The following GABRA2 variants were observed in gnomAD, a reference collection of about 807,000 sequenced individuals.
GABRA2 encodes gamma-aminobutyric acid type A receptor subunit alpha2.
GABRA2 carries 16 observed loss-of-function variants against 48.7 expected under a neutral mutation model. The observed-to-expected ratio is 0.33, with a 90% CI of 0.22 to 0.50. GABRA2 has a LOEUF of 0.50. Ranked by LOEUF, GABRA2 falls within the 20% of genes least tolerant of loss-of-function variation. The pLI is 0.98. For synonymous variants in GABRA2, 185 were observed against 184.5 expected, an observed-to-expected ratio of 1.00 and a Z score of -0.02; for missense variants, 275 against 535.6, an observed-to-expected ratio of 0.51 and a Z score of 4.80.
chr4:46,376,714 A>G (rs1359595267), intron 3 of GABRA2, among the ~76,000 whole-genome samples: 2 of 151,582 alleles, frequency 1.3e-5, no homozygotes, highest in Non-Finnish European at 2.9e-5. Flanking sequence ...TCCTGTGTCT[A>G]CAAAAAATTT....
At chr4:46,367,737 AAATGAGATATGAC>A (rs1714267135) in intron 3 of GABRA2, 1 of 152,178 alleles carries the variant, frequency 6.6e-6, no homozygotes, top group Admixed American at 6.6e-5. Context: ...ATACATCTTG[AAATGAGATATGAC>A]CTGTGTCACC....
At chr4:46,332,568 CA>C in intron 4 of GABRA2, 46 bp downstream of exon 4, 1 of 1,031,354 alleles carries the variant, frequency 9.7e-7, no homozygotes, top group East Asian at 2.4e-5. Flanking sequence ...AATTACCCCC[CA>C]CTCCCCATTA....
chr4:46,328,675 T>C (rs1037013390), intron 4 of GABRA2, among the ~76,000 whole-genome samples: 2 of 151,954 alleles, frequency 1.3e-5, no homozygotes, highest in East Asian at 3.9e-4. Flanking sequence ...CATGTGCACA[T>C]TGTGCAGGTT....
At position 46,390,039 on chromosome 4, in the gene GABRA2, T is replaced by C; in HGVS notation, c.-315A>G. On this transcript the variant is annotated 5_prime_UTR_variant, in exon 1 of 10. Coordinates refer to ENST00000381620, the MANE Select transcript of GABRA2 (RefSeq NM_000807.4). The stretch of plus-strand genomic sequence containing the variant: ...AGGAAGAGGAGGAGGGGGAAAACGA[T>C]GACAGGAGCTGGGGCCGGGGGGGGA... The C allele has an allele frequency of 5.4e-6, 1 of 184,488 alleles. No homozygotes were observed. The highest frequency in any genetic ancestry group is 6.9e-6 in the Non-Finnish European group (1 of 145,786). 11.4% of individuals were successfully genotyped at this position (184,488 alleles called of 1,614,324 possible).
At chr4:46,375,394 T>A (rs1715539653) in intron 3 of GABRA2, among the ~76,000 whole-genome samples, 1 of 152,190 alleles carries the variant, frequency 6.6e-6, no homozygotes, top group Non-Finnish European at 1.5e-5. Flanking sequence ...TAACTCTTCA[T>A]AAGTTTTTCA....
intron 8 of GABRA2, among the ~76,000 whole-genome samples, chr4:46,273,514 TATATATATATATATATATATATGA>T (rs1248630688): frequency 0.032 from 1,081 of 34,100 alleles, 37 homozygotes; most frequent in African/African-American, 0.099. Context: ...TATATATATA[TATATATATATATATATATATATGA>T]GAGAGAGAGG....
chr4:46,289,870 A>G (rs1723252782), intron 8 of GABRA2, among the ~76,000 whole-genome samples: 1 of 140,584 alleles, frequency 7.1e-6, no homozygotes, highest in Non-Finnish European at 1.5e-5. Flanking sequence ...TGTTGAGTAT[A>G]CCAGTTTATT....
intron 3 of GABRA2, among the ~76,000 whole-genome samples, chr4:46,377,996 C>T (rs1458106997): frequency 1.3e-5 from 2 of 150,562 alleles, no homozygotes; most frequent in Non-Finnish European, 3.0e-5. Context: ...GGGGGGTCAG[C>T]CCCCCGCCCG....
chr4:46,279,765 C>T (rs1253314130), intron 8 of GABRA2, among the ~76,000 whole-genome samples: 1 of 152,032 alleles, frequency 6.6e-6, no homozygotes, highest in Non-Finnish European at 1.5e-5. Flanking sequence ...ACTTAGGGAT[C>T]ATGTGTGCTA....
chr4:46,285,087 C>G (rs1722292101), intron 8 of GABRA2, among the ~76,000 whole-genome samples: 1 of 150,670 alleles, frequency 6.6e-6, no homozygotes, highest in Non-Finnish European at 1.5e-5. Flanking sequence ...AGTTTTCAAG[C>G]CTCATTCCAG....
chr4:46,282,754 G>T (rs1432472238), intron 8 of GABRA2, among the ~76,000 whole-genome samples: 2 of 152,136 alleles, frequency 1.3e-5, no homozygotes, highest in African/African-American at 4.8e-5. Flanking sequence ...TAGAGAATTA[G>T]TATCCGATAA....
At position 46,286,060 on chromosome 4, in the gene GABRA2, T is replaced by G. The variant is rs1004783748; in HGVS notation, c.856+17400A>C. ...TGTCTTTCTCTAGTTTCAAAACTTG[T>G]TTTTATTATCCCAGAAGGATACTCT... is the stretch of plus-strand genomic sequence containing the variant. On this transcript the variant is annotated intron_variant, in intron 8 of 9. Coordinates refer to ENST00000381620, the MANE Select transcript of GABRA2 (RefSeq NM_000807.4). Among the ~76,000 whole-genome samples, 6 of 152,178 alleles carry G rather than the reference T, an allele frequency of 3.9e-5. No individual in the cohort carries two copies. In the East Asian group the frequency reaches 1.2e-3, roughly 29 times the overall value.
chr4:46,276,798 G>T (rs755616963), intron 8 of GABRA2, among the ~76,000 whole-genome samples: 1 of 151,934 alleles, frequency 6.6e-6, no homozygotes, highest in South Asian at 2.1e-4. Flanking sequence ...TTCCTAACTG[G>T]GGATTTTTTT....
intron 3 of GABRA2, among the ~76,000 whole-genome samples, chr4:46,371,237 A>G (rs1379157916): frequency 6.6e-6 from 1 of 152,162 alleles, no homozygotes; most frequent in Admixed American, 6.5e-5. Flanking sequence ...AAGCTCTGAT[A>G]CAAATCATAT....
At chr4:46,291,127 A>AT (rs1723549183) in intron 8 of GABRA2, among the ~76,000 whole-genome samples, 1 of 152,228 alleles carries the variant, frequency 6.6e-6, no homozygotes, top group Middle Eastern at 3.4e-3. Flanking sequence ...TTAAACTTCG[A>AT]TTTTTTGGAG....
chr4:46,349,652 T>G (rs1291874347), intron 3 of GABRA2, among the ~76,000 whole-genome samples: 1 of 151,946 alleles, frequency 6.6e-6, no homozygotes, highest in African/African-American at 2.4e-5. Flanking sequence ...TTGGCAATAG[T>G]ACAAACCCTT....
At chr4:46,262,944 AAGAAAGAAAGAAAGAG>A (rs1285990907) in intron 8 of GABRA2, among the ~76,000 whole-genome samples, 4 of 87,100 alleles carry the variant, frequency 4.6e-5, no homozygotes, top group African/African-American at 1.8e-4. Context: ...AGAAGAAAGA[AAGAAAGAAAGAAAGAG>A]AGAGAGAGAG....
chr4:46,292,086 G>T (rs1723776340), intron 8 of GABRA2, among the ~76,000 whole-genome samples: 1 of 152,090 alleles, frequency 6.6e-6, no homozygotes, highest in Admixed American at 6.5e-5. Context: ...CATGGCTAGA[G>T]AGAGGCAAGG....
intron 3 of GABRA2, among the ~76,000 whole-genome samples, chr4:46,340,197 T>C (rs557106820): frequency 1.3e-5 from 2 of 152,006 alleles, no homozygotes; most frequent in Non-Finnish European, 2.9e-5. Flanking sequence ...TACAGTCTCT[T>C]TTTTTAAAAG....
Sources: gnomAD v4.1 joint callset for allele counts (sites outside exome capture counted in the v4.1 genomes callset) on GRCh38, gnomAD v4.1.1 for gene constraint, MANE v1.5 for transcripts, NCBI Gene and HGNC (gene_info 2026-07-23, HGNC 2026-07-21) for gene names.